Variants in HLCS observed in about 807,000 individuals in gnomAD.
The protein encoded by HLCS is biotin--protein ligase.
Under a neutral mutation model 75.0 loss-of-function variants are expected in HLCS, and 53 were observed. That is an observed-to-expected ratio of 0.71 (90% CI 0.57 to 0.89). The LOEUF is 0.89. HLCS is among the 40% of genes least tolerant of loss of function. The pLI is 0.00. For missense variants in HLCS, 966 were observed against 1,074.0 expected, an observed-to-expected ratio of 0.90 and a Z score of 1.41; for synonymous variants, 431 against 428.6, an observed-to-expected ratio of 1.01 and a Z score of -0.07.
chr21:36,855,911 G>A (rs2063175763), intron 6 of HLCS, among the ~76,000 whole-genome samples: 1 of 152,148 alleles, frequency 6.6e-6, no homozygotes. Flanking sequence ...ATATGGACAT[G>A]CTACAACATG....
At chr21:36,973,764 G>T (rs2068859166) in intron 1 of HLCS, 1 of 152,322 alleles carries the variant, frequency 6.6e-6, no homozygotes, top group African/African-American at 2.4e-5. Context: ...GCCAAGGCGG[G>T]TGGATCACCT....
intron 6 of HLCS, among the ~76,000 whole-genome samples, chr21:36,796,535 C>G (rs756106950): frequency 6.6e-6 from 1 of 152,120 alleles, no homozygotes; most frequent in Non-Finnish European, 1.5e-5. Flanking sequence ...GCAGGGCCCA[C>G]GAGAGCTGTG....
intron 6 of HLCS, among the ~76,000 whole-genome samples, chr21:36,846,553 G>A (rs1183734661): frequency 6.6e-6 from 1 of 151,980 alleles, no homozygotes; most frequent in Non-Finnish European, 1.5e-5. Context: ...CTTTGTTTTT[G>A]GCGAAACAAA....
At position 36,754,418 on chromosome 21, in the gene HLCS, C is replaced by T. The variant is rs1158898827; in HGVS notation, c.2451-1G>A. On this transcript the variant is annotated splice_acceptor_variant, in intron 10 of 10. Transcript: ENST00000674895. LOFTEE classifies it high-confidence loss of function. ...GCTGCCCAGATGGACTTGCTGACCA[C>T]TGAAAAGGAAGAACAGCGTGCGGTC... 1.9e-6 allele frequency: 3 copies of T among 1,611,714 alleles called. No individual in the cohort carries two copies. In the East Asian group the frequency reaches 6.7e-5, roughly 36 times the overall value.
At position 36,779,953 on chromosome 21, in the gene HLCS, C is replaced by A. The variant is rs1246314219; in HGVS notation, c.1893-12668G>T. 3.3e-5 allele frequency among the ~76,000 whole-genome samples: 5 copies of A among 152,142 alleles called. No individual in the cohort carries two copies. In the East Asian group the frequency reaches 9.6e-4, roughly 29 times the overall value. ...TCCCACTCCACCTCCTTTCTGTAAA[C>A]CACAAATCAAAATCTCATTCATTTC... On this transcript the variant is annotated intron_variant, in intron 6 of 10. Transcript: ENST00000674895.
intron 6 of HLCS, among the ~76,000 whole-genome samples, chr21:36,891,128 C>T (rs1438501333): frequency 4.6e-5 from 7 of 152,202 alleles, no homozygotes; most frequent in Non-Finnish European, 8.8e-5. Flanking sequence ...AACAAAAAGG[C>T]CATGTGCAAC....
chr21:36,793,080 C>T (rs732252), intron 6 of HLCS, among the ~76,000 whole-genome samples: 7,649 of 152,212 alleles, frequency 0.05, 308 homozygotes, highest in South Asian at 0.18. Context: ...CCCTCATGCG[C>T]TTTTGATTCC....
chr21:36,857,194 T>C lies in HLCS; in HGVS notation c.1892+39666A>G, dbSNP rs115764338. 6.3e-3 allele frequency among the ~76,000 whole-genome samples: 960 copies of C among 152,346 alleles called. 9 individuals are homozygous for C. Among genetic ancestry groups the C allele is most frequent in the African/African-American group, 0.022 (923 of 41,582 alleles). Reference sequence around the variant, plus strand: ...AGGATTGCTTATCTCTTGTTCAACATTGCCGTTTCAAAACCCAAGCCACAC... The same window carrying C: ...AGGATTGCTTATCTCTTGTTCAACACTGCCGTTTCAAAACCCAAGCCACAC... On this transcript the variant is annotated intron_variant, in intron 6 of 10. Transcript: ENST00000674895.
intron 6 of HLCS, among the ~76,000 whole-genome samples, chr21:36,855,536 T>TAAAAAAAA (rs71901243): frequency 1.3e-5 from 1 of 75,634 alleles, no homozygotes; most frequent in Non-Finnish European, 2.7e-5. Flanking sequence ...AGACTCCATC[T>TAAAAAAAA]AAAAAAAAAA....
At chr21:36,981,395 C>CTTTTTTTTTTT (rs11328067) in intron 1 of HLCS, among the ~76,000 whole-genome samples, 4 of 91,280 alleles carry the variant, frequency 4.4e-5, no homozygotes, top group Non-Finnish European at 7.9e-5. Flanking sequence ...CTTAACCTTC[C>CTTTTTTTTTTT]TTTTTTTTTT....
chr21:36,950,179 T>TA (rs56407653), intron 2 of HLCS, among the ~76,000 whole-genome samples: 13 of 150,686 alleles, frequency 8.6e-5, no homozygotes, highest in African/African-American at 2.7e-4. Flanking sequence ...CATTCTGCTT[T>TA]AAAAAAAAAA....
intron 1 of HLCS, among the ~76,000 whole-genome samples, chr21:36,964,653 C>G (rs1426700615): frequency 6.6e-6 from 1 of 152,138 alleles, no homozygotes. Flanking sequence ...GTTACAGAAT[C>G]CATGAAAGCA....
chr21:36,869,159 C>T (rs1014645052), intron 6 of HLCS, among the ~76,000 whole-genome samples: 1 of 152,014 alleles, frequency 6.6e-6, no homozygotes, highest in Non-Finnish European at 1.5e-5. Context: ...GAGTCTCGCT[C>T]TGTCACCCAG....
chr21:36,790,188 G>A (rs1601257806), intron 6 of HLCS, among the ~76,000 whole-genome samples: 1 of 152,252 alleles, frequency 6.6e-6, no homozygotes, highest in East Asian at 1.9e-4. Context: ...GGCCCATCAC[G>A]AGGTCAGGAG....
intron 1 of HLCS, among the ~76,000 whole-genome samples, chr21:36,973,005 C>T (rs1208906056): frequency 6.6e-6 from 1 of 151,742 alleles, no homozygotes; most frequent in African/African-American, 2.4e-5. Flanking sequence ...CATTTGAGTC[C>T]AGAAGTTCAT....
intron 9 of HLCS, 177 bp from the exon 10 acceptor site, chr21:36,756,932 T>C: frequency 1.0e-6 from 1 of 985,434 alleles, no homozygotes; most frequent in Non-Finnish European, 1.2e-6. Flanking sequence ...ATCTTCCTTT[T>C]TGTCCTTCTT....
At chr21:36,882,743 G>A (rs1473535493) in intron 6 of HLCS, among the ~76,000 whole-genome samples, 2 of 151,146 alleles carry the variant, frequency 1.3e-5, no homozygotes, top group African/African-American at 4.9e-5. Context: ...TTACAGGTGT[G>A]AGCCACCGTG....
intron 1 of HLCS, among the ~76,000 whole-genome samples, chr21:36,982,796 C>T (rs986505718): frequency 2.0e-5 from 3 of 152,018 alleles, no homozygotes; most frequent in African/African-American, 4.8e-5. Flanking sequence ...TTTGGGAGAC[C>T]GAGGCAGGTG....
intron 6 of HLCS, among the ~76,000 whole-genome samples, chr21:36,792,256 C>A (rs12483583): frequency 2.8e-4 from 42 of 152,230 alleles, no homozygotes; most frequent in Non-Finnish European, 4.4e-4. Context: ...TCAGCCTTTT[C>A]TTCTGTCACA....
Sources: allele counts gnomAD v4.1 joint callset (sites outside exome capture counted in the v4.1 genomes callset), GRCh38; gene constraint gnomAD v4.1.1; transcripts MANE v1.5; gene names NCBI Gene and HGNC (gene_info 2026-07-23, HGNC 2026-07-21).